The following LOC400499 variants were observed in gnomAD, a reference collection of about 807,000 sequenced individuals.
chr16:11,430,902 T>C, the LOC400499 span: 2 of 397,344 alleles, frequency 5.0e-6, no homozygotes, highest in Non-Finnish European at 8.9e-6. Context: ...CATACCCCTT[T>C]ATCTAAACCT....
chr16:11,512,782 C>T, the LOC400499 span, among the ~76,000 whole-genome samples: 2 of 152,140 alleles, frequency 1.3e-5, no homozygotes, highest in African/African-American at 2.4e-5. Context: ...CTCAGTGGGA[C>T]ACCACTGGGT....
chr16:11,412,578 G>C, the LOC400499 span, among the ~76,000 whole-genome samples: 4 of 152,238 alleles, frequency 2.6e-5, no homozygotes, highest in African/African-American at 9.6e-5. Context: ...GGCAGTAATA[G>C]TTATTAATAA....
chr16:11,377,429 T>C, the LOC400499 span, among the ~76,000 whole-genome samples: 100,594 of 152,080 alleles, frequency 0.66, 34,183 homozygotes, highest in African/African-American at 0.76. Context: ...GTCTTCATCA[T>C]TGAGTGTGAT....
chr16:11,519,799 G>A, the LOC400499 span, among the ~76,000 whole-genome samples: 435 of 150,776 alleles, frequency 2.9e-3, 13 homozygotes, highest in East Asian at 0.071. Context: ...TCCATCTCCC[G>A]GGTTCAAGCC....
At chr16:11,447,930 A>G in the LOC400499 span, 2 of 1,534,246 alleles carry the variant, frequency 1.3e-6, no homozygotes, top group African/African-American at 2.7e-5. Flanking sequence ...AGGGGCGCAC[A>G]TACCTAAGGA....
chr16:11,515,782 G>GAAAAGGGAGGAGGAGGAGA, the LOC400499 span: 235 of 137,538 alleles, frequency 1.7e-3, 1 homozygote, highest in South Asian at 3.5e-3. Context: ...GGAGGAGGAG[G>GAAAAGGGAGGAGGAGGAGA]AAAAGGGAGG....
At chr16:11,454,571 A>C in the LOC400499 span, among the ~76,000 whole-genome samples, 46,227 of 152,152 alleles carry the variant, frequency 0.3, 7,480 homozygotes, top group East Asian at 0.45. Context: ...ACCAAGCTTC[A>C]ACATCCATCA....
chr16:11,460,246 G>T, the LOC400499 span, among the ~76,000 whole-genome samples: 5 of 152,098 alleles, frequency 3.3e-5, no homozygotes, highest in Admixed American at 2.6e-4. Context: ...ACCCAGACTG[G>T]AGTACAGTGG....
chr16:11,389,085 T>C, the LOC400499 span, among the ~76,000 whole-genome samples: 2 of 152,026 alleles, frequency 1.3e-5, no homozygotes, highest in Non-Finnish European at 2.9e-5. Context: ...CAAGACTCCA[T>C]CTCAAAAACA....
the LOC400499 span, among the ~76,000 whole-genome samples, chr16:11,454,563 C>G: frequency 1.3e-5 from 2 of 152,312 alleles, no homozygotes; most frequent in Middle Eastern, 6.8e-3. Flanking sequence ...CAAGGAACAC[C>G]AAGCTTCAAC....
At chr16:11,479,526 G>A in the LOC400499 span, among the ~76,000 whole-genome samples, 2 of 152,028 alleles carry the variant, frequency 1.3e-5, no homozygotes, top group African/African-American at 4.8e-5. Context: ...GGGAAGCTGA[G>A]GTGGGAGGAT....
chr16:11,398,220 A>C, the LOC400499 span: 5 of 771,314 alleles, frequency 6.5e-6, no homozygotes, highest in Non-Finnish European at 8.8e-6. Flanking sequence ...GGCAAATGGC[A>C]GAGCCACGAT....
chr16:11,378,963 T>A, the LOC400499 span, among the ~76,000 whole-genome samples: 1 of 152,212 alleles, frequency 6.6e-6, no homozygotes, highest in Non-Finnish European at 1.5e-5. Context: ...TTGTATCCAT[T>A]ATTGAAAGTG....
At chr16:11,419,071 C>T in the LOC400499 span, among the ~76,000 whole-genome samples, 16 of 152,002 alleles carry the variant, frequency 1.1e-4, no homozygotes, top group South Asian at 2.1e-4. Context: ...GAGGCTGAAG[C>T]GGTGGAATCT....
chr16:11,404,306 G>C, the LOC400499 span, among the ~76,000 whole-genome samples: 1 of 152,298 alleles, frequency 6.6e-6, no homozygotes, highest in African/African-American at 2.4e-5. Flanking sequence ...CTTGCTTCCT[G>C]ATGGACCCCT....
chr16:11,462,247 C>G, the LOC400499 span: 1 of 1,532,018 alleles, frequency 6.5e-7, no homozygotes. Flanking sequence ...TCACCTCCAG[C>G]TGCGCCTGGA....
chr16:11,490,875 G>C, the LOC400499 span, among the ~76,000 whole-genome samples: 1 of 152,160 alleles, frequency 6.6e-6, no homozygotes, highest in Non-Finnish European at 1.5e-5. Context: ...AAATACTGGG[G>C]GGAAGAGGAA....
chr16:11,487,153 G>T, the LOC400499 span: 1 of 397,654 alleles, frequency 2.5e-6, no homozygotes, highest in South Asian at 1.4e-4. Flanking sequence ...GGAGGAGATT[G>T]AACAATGGAG....
chr16:11,376,048 T>C, the LOC400499 span, among the ~76,000 whole-genome samples: 18 of 152,196 alleles, frequency 1.2e-4, no homozygotes, highest in Admixed American at 1.1e-3. Flanking sequence ...CCTTTGTACA[T>C]TGTTGAACCG....
Sources: allele counts gnomAD v4.1 joint callset (sites outside exome capture counted in the v4.1 genomes callset), GRCh38; gene constraint gnomAD v4.1.1; transcripts MANE v1.5.